The following RANBP17 variants were observed in gnomAD, a reference collection of about 807,000 sequenced individuals.
RANBP17 encodes RAN binding protein 17.
A neutral mutation model predicts 141.2 loss-of-function variants in RANBP17; 158 were observed. The ratio of observed to expected loss-of-function variants is 1.12; its 90% confidence interval spans 0.98 to 1.28. The LOEUF is 1.28. RANBP17 is among the 50% of genes most tolerant of loss of function. The probability of loss-of-function intolerance (pLI) is 0.00; values close to 1 mark genes in which losing one functional copy is unlikely to be tolerated. For synonymous variants in RANBP17, 430 were observed against 450.0 expected (o/e 0.96, Z 0.56); for missense variants, 1,438 against 1,290.7 (o/e 1.11, Z -1.75).
rs10076381 is a variant in RANBP17 at position 171,020,214 on chromosome 5, C to A, written c.1710+51837C>A. 2.0e-4 allele frequency among the ~76,000 whole-genome samples: 31 copies of A among 152,058 alleles called. No homozygotes were observed. The East Asian group carries it at 5.0e-3, about 25-fold the overall frequency. ...ATGTGATTGATTTCAGAGTAAGTGCCTTGTGTCACTGAGAAGAATGTATAT... is the reference window on the plus strand; with the variant it reads ...ATGTGATTGATTTCAGAGTAAGTGCATTGTGTCACTGAGAAGAATGTATAT... On this transcript the variant is annotated intron_variant, in intron 14 of 27. Coordinates refer to ENST00000523189, the MANE Select transcript of RANBP17 (RefSeq NM_022897.5).
At chr5:171,022,178 CA>C (rs1344056431) in intron 14 of RANBP17, among the ~76,000 whole-genome samples, 2 of 152,160 alleles carry the variant, frequency 1.3e-5, no homozygotes, top group Non-Finnish European at 2.9e-5. Context: ...TGCTCCTTCT[CA>C]GATCTTTGAC....
intron 12 of RANBP17, among the ~76,000 whole-genome samples, chr5:170,948,373 C>A (rs377485927): frequency 9.8e-4 from 149 of 152,098 alleles, no homozygotes; most frequent in African/African-American, 3.5e-3. Context: ...AGCAAACTTG[C>A]AGGATACGGG....
At chr5:171,189,138 A>G (rs959329727) in intron 18 of RANBP17, among the ~76,000 whole-genome samples, 12 of 152,230 alleles carry the variant, frequency 7.9e-5, no homozygotes, top group East Asian at 7.7e-4. Flanking sequence ...GAAAGAGGCT[A>G]TGGTGGAAGT....
chr5:171,178,872 GT>G (rs1244947992), intron 16 of RANBP17, among the ~76,000 whole-genome samples: 1 of 152,012 alleles, frequency 6.6e-6, no homozygotes, highest in African/African-American at 2.4e-5. Context: ...GGGGTTGTTT[GT>G]TTTTTTCTTG....
In RANBP17 at chr5:170,963,948, A is replaced by G. The variant is rs563959253; in HGVS notation, c.1575-4294A>G. On this transcript the variant is annotated intron_variant, in intron 13 of 27. Transcript: ENST00000523189. ...ACAGCCAAATAGAAAAAAAATCAGGAAAGGATATGAGCAAACGGGTCACAG... is the reference window on the plus strand; with the variant it reads ...ACAGCCAAATAGAAAAAAAATCAGGGAAGGATATGAGCAAACGGGTCACAG... Among the ~76,000 whole-genome samples, 3 of 152,370 alleles carry G rather than the reference A, an allele frequency of 2.0e-5. No homozygotes were observed. In the South Asian group the frequency reaches 6.2e-4, roughly 32 times the overall value.
intron 2 of RANBP17, among the ~76,000 whole-genome samples, chr5:170,880,886 A>G (rs1248599843): frequency 6.6e-6 from 1 of 152,180 alleles, no homozygotes; most frequent in African/African-American, 2.4e-5. Context: ...TAGGCACTGT[A>G]GAGTTGTAGC....
chr5:170,869,323 CTTT>C (rs70982310), intron 1 of RANBP17, among the ~76,000 whole-genome samples: 3 of 125,478 alleles, frequency 2.4e-5, no homozygotes, highest in Non-Finnish European at 4.9e-5. Context: ...GCTCACAACA[CTTT>C]TTTTTTTTTT....
intron 7 of RANBP17, among the ~76,000 whole-genome samples, chr5:170,913,746 T>C (rs1208836751): frequency 7.3e-6 from 1 of 137,448 alleles, no homozygotes; most frequent in African/African-American, 2.5e-5. Context: ...GAAGAAATAG[T>C]ATACGCTATT....
intron 24 of RANBP17, among the ~76,000 whole-genome samples, chr5:171,263,622 A>C (rs771946872): frequency 8.5e-5 from 13 of 152,200 alleles, no homozygotes; most frequent in Non-Finnish European, 1.8e-4. Flanking sequence ...TAAGATCCTC[A>C]ACCTGCTCTG....
chr5:171,047,327 A>G (rs1023693974), intron 14 of RANBP17, among the ~76,000 whole-genome samples: 7 of 148,542 alleles, frequency 4.7e-5, no homozygotes, highest in African/African-American at 1.7e-4. Flanking sequence ...CTTATTTTGC[A>G]TTTTCTTAAT....
intron 24 of RANBP17, among the ~76,000 whole-genome samples, chr5:171,251,630 A>C (rs916055349): frequency 3.9e-5 from 6 of 152,054 alleles, no homozygotes; most frequent in Non-Finnish European, 5.9e-5. Context: ...AGTGCTAAGA[A>C]GGAAGTTTAT....
chr5:171,055,596 C>G (rs1292900970), intron 14 of RANBP17, among the ~76,000 whole-genome samples: 4 of 152,022 alleles, frequency 2.6e-5, no homozygotes, highest in African/African-American at 9.7e-5. Context: ...AAAGCTGAGC[C>G]TAACCATGGG....
intron 14 of RANBP17, among the ~76,000 whole-genome samples, chr5:171,156,171 A>G (rs189017265): frequency 1.3e-5 from 2 of 152,122 alleles, no homozygotes; most frequent in African/African-American, 4.8e-5. Flanking sequence ...ATATCTTTCT[A>G]CAAGTACTAT....
intron 14 of RANBP17, among the ~76,000 whole-genome samples, chr5:171,124,725 AAAG>A (rs551839287): frequency 9.9e-5 from 15 of 152,186 alleles, no homozygotes; most frequent in Non-Finnish European, 2.2e-4. Context: ...TACACGCAAA[AAAG>A]AAGGGAGTCA....
chr5:170,967,276 A>C (rs1283420048), intron 13 of RANBP17, among the ~76,000 whole-genome samples: 1 of 152,082 alleles, frequency 6.6e-6, no homozygotes, highest in Non-Finnish European at 1.5e-5. Flanking sequence ...CATTCTCTGG[A>C]AGACATATAA....
intron 18 of RANBP17, among the ~76,000 whole-genome samples, chr5:171,198,064 G>A (rs1762081006): frequency 6.6e-6 from 1 of 152,184 alleles, no homozygotes; most frequent in African/African-American, 2.4e-5. Flanking sequence ...AAATGCTATG[G>A]GAATCCAAAG....
At chr5:171,020,476 A>T (rs962432056) in intron 14 of RANBP17, among the ~76,000 whole-genome samples, 1 of 152,130 alleles carries the variant, frequency 6.6e-6, no homozygotes, top group African/African-American at 2.4e-5. Flanking sequence ...TATGTTTAGA[A>T]TAGTTAGCTC....
intron 9 of RANBP17, among the ~76,000 whole-genome samples, chr5:170,917,654 G>A (rs1772087675): frequency 6.6e-6 from 1 of 152,056 alleles, no homozygotes; most frequent in Non-Finnish European, 1.5e-5. Flanking sequence ...TTCAATGTTA[G>A]TATAGTTGTG....
chr5:171,079,714 A>T (rs370284484), intron 14 of RANBP17, among the ~76,000 whole-genome samples: 25 of 152,214 alleles, frequency 1.6e-4, no homozygotes, highest in African/African-American at 4.8e-4. Context: ...GTTTTAATTA[A>T]GGTGTATACA....
Sources: gnomAD v4.1 joint callset for allele counts (sites outside exome capture counted in the v4.1 genomes callset) on GRCh38, gnomAD v4.1.1 for gene constraint, MANE v1.5 for transcripts, NCBI Gene and HGNC (gene_info 2026-07-23, HGNC 2026-07-21) for gene names.